The following TPTE variants were observed in gnomAD, a reference collection of about 807,000 sequenced individuals.
TPTE encodes the protein transmembrane phosphatase with tensin homology, also known as putative tyrosine-protein phosphatase TPTE.
A neutral mutation model predicts 84.1 loss-of-function variants in TPTE; 59 were observed. The ratio of observed to expected loss-of-function variants is 0.70; its 90% CI spans 0.57 to 0.87. The LOEUF (loss-of-function observed/expected upper bound fraction) is 0.87, where lower values mean the gene tolerates loss of function less well. Ranked by LOEUF, TPTE falls within the 40% of genes least tolerant of loss-of-function variation. The pLI is 0.00. For synonymous variants in TPTE, 130 were observed against 223.5 expected (o/e 0.58, Z 3.73); for missense variants, 382 against 659.6 (o/e 0.58, Z 4.61).
intron 13 of TPTE, among the ~76,000 whole-genome samples, chr21:10,570,057 T>C (rs1886879): frequency 6.6e-6 from 1 of 152,300 alleles, no homozygotes; most frequent in Admixed American, 6.5e-5. Flanking sequence ...GACCTCTTCT[T>C]ATCCTAGAAT....
intron 4 of TPTE, among the ~76,000 whole-genome samples, chr21:10,539,917 G>T (rs1237494278): frequency 1.3e-5 from 2 of 152,306 alleles, no homozygotes; most frequent in Non-Finnish European, 2.9e-5. Flanking sequence ...GCTGAGGCAG[G>T]AGAATTGCTT....
chr21:10,555,750 C>A (rs1371906671), intron 8 of TPTE, among the ~76,000 whole-genome samples: 1 of 152,308 alleles, frequency 6.6e-6, no homozygotes, highest in Admixed American at 6.5e-5. Context: ...TTGTTTTCAT[C>A]CCTTGCATTT....
At chr21:10,567,019 A>G (rs2074935144) in intron 10 of TPTE, among the ~76,000 whole-genome samples, 2 of 152,240 alleles carry the variant, frequency 1.3e-5, no homozygotes, top group Non-Finnish European at 1.5e-5. Flanking sequence ...AACAACATGG[A>G]TGGAACTGGA....
At chr21:10,552,344 T>C (rs906355270) in intron 7 of TPTE, among the ~76,000 whole-genome samples, 1 of 152,300 alleles carries the variant, frequency 6.6e-6, no homozygotes, top group Non-Finnish European at 1.5e-5. Flanking sequence ...TCTACACACA[T>C]ATTATTTATA....
chr21:10,545,103 C>A (rs1295885571), intron 7 of TPTE, among the ~76,000 whole-genome samples: 2 of 152,302 alleles, frequency 1.3e-5, no homozygotes, highest in Non-Finnish European at 2.9e-5. Context: ...CATGTGGAGT[C>A]TTGCTATGTT....
chr21:10,557,287 G>A (rs1473737911), intron 8 of TPTE, among the ~76,000 whole-genome samples: 3 of 152,308 alleles, frequency 2.0e-5, no homozygotes, highest in Admixed American at 6.5e-5. Flanking sequence ...TTATTTCCCT[G>A]CAAACTCTGC....
chr21:10,552,516 T>C (rs1387731914), intron 7 of TPTE, 141 bp from the exon 8 acceptor site: 7 of 1,380,576 alleles, frequency 5.1e-6, no homozygotes, highest in South Asian at 2.9e-5. Context: ...CTCTTAAATA[T>C]TAGGTCTTCC....
intron 10 of TPTE, among the ~76,000 whole-genome samples, chr21:10,563,561 A>C (rs1191930494): frequency 6.6e-6 from 1 of 152,310 alleles, no homozygotes; most frequent in Non-Finnish European, 1.5e-5. Context: ...GTTTATGAAA[A>C]CTTATTATAA....
At chr21:10,532,342 G>A (rs542945290) in intron 3 of TPTE, among the ~76,000 whole-genome samples, 438 of 152,224 alleles carry the variant, frequency 2.9e-3, no homozygotes, top group African/African-American at 0.01. Context: ...ATTTAGTTGT[G>A]TTCTAGTTAT....
At chr21:10,532,559 C>G (rs1224576948) in intron 3 of TPTE, among the ~76,000 whole-genome samples, 1 of 152,302 alleles carries the variant, frequency 6.6e-6, no homozygotes, top group African/African-American at 2.4e-5. Flanking sequence ...CCATGTGTTC[C>G]TTTTCCAACC....
chr21:10,527,867 C>A (rs1319609499), intron 3 of TPTE, among the ~76,000 whole-genome samples: 1 of 152,420 alleles, frequency 6.6e-6, no homozygotes, highest in African/African-American at 2.4e-5. Flanking sequence ...GCAAAGATAT[C>A]TGTGACTCAT....
chr21:10,525,643 G>C (rs2074064899), intron 2 of TPTE, among the ~76,000 whole-genome samples: 1 of 152,312 alleles, frequency 6.6e-6, no homozygotes, highest in Non-Finnish European at 1.5e-5. Flanking sequence ...AAACTTCTGT[G>C]GTTGCTCCTA....
At chr21:10,553,677 T>C (rs1358485141) in intron 8 of TPTE, among the ~76,000 whole-genome samples, 1 of 152,308 alleles carries the variant, frequency 6.6e-6, no homozygotes, top group African/African-American at 2.4e-5. Flanking sequence ...CAGTAGTCCC[T>C]GTGAGAAATG....
chr21:10,529,240 T>C (rs2074135139), intron 3 of TPTE, among the ~76,000 whole-genome samples: 1 of 152,178 alleles, frequency 6.6e-6, no homozygotes, highest in Non-Finnish European at 1.5e-5. Context: ...CACTTGCAGA[T>C]TTGAAGTTTA....
At chr21:10,555,744 T>C (rs1309042743) in intron 8 of TPTE, among the ~76,000 whole-genome samples, 2 of 152,312 alleles carry the variant, frequency 1.3e-5, no homozygotes, top group Admixed American at 6.5e-5. Flanking sequence ...TCTGATTTGT[T>C]TTCATCCCTT....
In TPTE at chr21:10,569,545, G is replaced by A. The variant is rs1452313965; in HGVS notation, c.666+9G>A. The stretch of plus-strand genomic sequence containing the variant: ...AGCTGATAAGAAGGCGGGTAAGTGG[G>A]CAAAACATGCTTATGATTCACAAAA... On this transcript the variant is annotated intron_variant, in intron 12 of 23. Transcript: ENST00000618007. 11 of 1,613,742 alleles carry A rather than the reference G, an allele frequency of 6.8e-6. No homozygotes were observed. Among genetic ancestry groups the A allele is most frequent in the South Asian group, 2.2e-5 (2 of 91,058 alleles).
At chr21:10,583,303 G>C (rs111686883) in intron 17 of TPTE, among the ~76,000 whole-genome samples, 2 of 152,424 alleles carry the variant, frequency 1.3e-5, no homozygotes, top group African/African-American at 4.8e-5. Flanking sequence ...TCTTATGGTG[G>C]TGATCATTTG....
intron 20 of TPTE, among the ~76,000 whole-genome samples, chr21:10,596,527 T>A (rs1447232423): frequency 3.4e-5 from 5 of 146,788 alleles, no homozygotes; most frequent in Non-Finnish European, 7.7e-5. Flanking sequence ...TTTAGAGGCA[T>A]TTTTTTTCTC....
intron 3 of TPTE, among the ~76,000 whole-genome samples, chr21:10,530,120 C>T (rs1484211875): frequency 6.6e-6 from 1 of 152,310 alleles, no homozygotes; most frequent in Admixed American, 6.5e-5. Flanking sequence ...TAAAAGCTAG[C>T]CCCTGTGTCC....
Sources: allele counts gnomAD v4.1 joint callset (sites outside exome capture counted in the v4.1 genomes callset), GRCh38; gene constraint gnomAD v4.1.1; transcripts MANE v1.5; gene names NCBI Gene and HGNC (gene_info 2026-07-23, HGNC 2026-07-21).